ODR4: variants seen among roughly 807,000 people sequenced by gnomAD.
The protein encoded by ODR4 is odr-4 GPCR localization factor homolog, also known as protein odr-4 homolog.
ODR4 carries 47 observed loss-of-function variants against 60.2 expected under a neutral mutation model. That is an observed-to-expected ratio of 0.78 (90% confidence interval 0.62 to 1.00). ODR4 has a LOEUF of 1.00. Ranked by LOEUF, ODR4 falls within the 50% of genes least tolerant of loss-of-function variation. ODR4 has a pLI of 0.00. For missense variants in ODR4, 488 were observed against 530.8 expected (o/e 0.92, Z 0.79); for synonymous variants, 178 against 175.5 (o/e 1.01, Z -0.11).
chr1:186,391,527 GAA>G (rs1660469001), intron 7 of ODR4, among the ~76,000 whole-genome samples, 167 bp from the exon 8 acceptor site: 1 of 126,472 alleles, frequency 7.9e-6, no homozygotes, highest in Non-Finnish European at 1.8e-5. Context: ...AAGGTATCAA[GAA>G]TGGGGGTATA....
chr1:186,414,247 TA>T (rs1558097803), intron 12 of ODR4, among the ~76,000 whole-genome samples: 1 of 152,142 alleles, frequency 6.6e-6, no homozygotes, highest in Non-Finnish European at 1.5e-5. Flanking sequence ...ATGACAGATT[TA>T]AAAATGGAAA....
chr1:186,402,186 T>TTTTCTTTCTTTC (rs777903676), intron 11 of ODR4, among the ~76,000 whole-genome samples: 7,970 of 91,482 alleles, frequency 0.087, 355 homozygotes, highest in Non-Finnish European at 0.1. Flanking sequence ...ATAGGCATCC[T>TTTTCTTTCTTTC]ATTCTTTCTT....
At chr1:186,418,103 G>T (rs1402687663) in intron 13 of ODR4, among the ~76,000 whole-genome samples, 1 of 152,142 alleles carries the variant, frequency 6.6e-6, no homozygotes, top group Non-Finnish European at 1.5e-5. Context: ...CAAGGAACAT[G>T]CAGACTATTG....
At chr1:186,431,541 T>C in the ODR4 span, among the ~76,000 whole-genome samples, 1 of 152,144 alleles carries the variant, frequency 6.6e-6, no homozygotes, top group African/African-American at 2.4e-5. Context: ...GTAGAGTAAT[T>C]AGAAGGTCAA....
rs149857162 is a variant in ODR4 at position 186,392,459 on chromosome 1, A to G, written c.711+668A>G. Among the ~76,000 whole-genome samples, 183 of 152,350 alleles carry G rather than the reference A, an allele frequency of 1.2e-3. 1 individual carries two copies. Among genetic ancestry groups the G allele is most frequent in the African/African-American group, 4.2e-3 (174 of 41,580 alleles). The stretch of plus-strand genomic sequence containing the variant: ...ACCATGGAATACTGTGCAGCCATTA[A>G]AACAGAACGAGATCATGTCCTTTGC... On this transcript the variant is annotated intron_variant, in intron 8 of 13. Coordinates refer to ENST00000287859, the MANE Select transcript of ODR4 (RefSeq NM_017847.6).
At chr1:186,417,714 T>G (rs909184931) in intron 13 of ODR4, 60 bp downstream of exon 13, 1 of 886,424 alleles carries the variant, frequency 1.1e-6, no homozygotes, top group African/African-American at 1.7e-5. Flanking sequence ...GTTTTCTTGT[T>G]ACTTTAAGAT....
At chr1:186,396,816 A>G (rs1486221089) in intron 9 of ODR4, among the ~76,000 whole-genome samples, 1 of 152,054 alleles carries the variant, frequency 6.6e-6, no homozygotes. Context: ...AATGTGTTAT[A>G]TGTTAAAAAT....
Position 186,391,594 on chromosome 1 carries a change from A to T in ODR4, c.616-102A>T. Reference sequence around the variant, plus strand: ...AATGCTGCAGTAATGAGATTTAGGGATTTTAATATTTCAATTTATTAGGTG... The same window carrying T: ...AATGCTGCAGTAATGAGATTTAGGGTTTTTAATATTTCAATTTATTAGGTG... On this transcript the variant is annotated intron_variant, in intron 7 of 13. Transcript: ENST00000287859. 3.9e-6 allele frequency: 3 copies of T among 768,778 alleles called. No homozygotes were observed. The South Asian group carries it at 4.9e-5, about 13-fold the overall frequency. 47.6% of individuals were successfully genotyped at this position (768,778 alleles called of 1,614,324 possible). A position where few individuals can be genotyped will look rare whatever the true frequency, so the allele number is the denominator to read the frequency against.
rs367923541 is a variant in ODR4, at chr1:186,419,104, T to A, written c.*28T>A. 385 of 1,561,062 alleles carry A rather than the reference T, an allele frequency of 2.5e-4. No homozygotes were observed. Among genetic ancestry groups the A allele is most frequent in the Non-Finnish European group, 3.0e-4 (346 of 1,136,498 alleles). Reference sequence around the variant, plus strand: ...TGAGGCACAAAGAGTTTCTTGATCATCCAGAGAACATTGACAGACAATTAT... The same window carrying A: ...TGAGGCACAAAGAGTTTCTTGATCAACCAGAGAACATTGACAGACAATTAT... On this transcript the variant is annotated 3_prime_UTR_variant, in exon 14 of 14. Coordinates refer to ENST00000287859, the MANE Select transcript of ODR4 (RefSeq NM_017847.6).
intron 11 of ODR4, among the ~76,000 whole-genome samples, chr1:186,405,628 C>G (rs1661143228): frequency 6.6e-6 from 1 of 152,152 alleles, no homozygotes; most frequent in African/African-American, 2.4e-5. Context: ...TCTTGGCTCA[C>G]CGCAACCTCC....
rs974702821 is a variant in ODR4 at position 186,375,914 on chromosome 1, A to G, written c.-80A>G. 5 of 208,034 alleles carry G rather than the reference A, an allele frequency of 2.4e-5. No individual in the cohort carries two copies. Among genetic ancestry groups the G allele is most frequent in the Admixed American group, 4.8e-5 (1 of 20,886 alleles). The allele number at this position is 208,034 out of a possible 1,614,324, so 12.9% of individuals were successfully genotyped here. A position where few individuals can be genotyped will look rare whatever the true frequency, so the allele number is the denominator to read the frequency against. On this transcript the variant is annotated 5_prime_UTR_variant, in exon 1 of 14. Transcript: ENST00000287859. The stretch of plus-strand genomic sequence containing the variant: ...GCTGGTACTTGGGCCCGAAACCCCC[A>G]TCTCCGGCGGAGAGACCGTCCGAGG...
the ODR4 span, among the ~76,000 whole-genome samples, chr1:186,432,726 A>G: frequency 6.6e-6 from 1 of 151,406 alleles, no homozygotes; most frequent in Non-Finnish European, 1.5e-5. Flanking sequence ...AAATTTTTTT[A>G]ATGTTGTTTA....
chr1:186,424,512 G>A (rs1201409653), downstream of ODR4, among the ~76,000 whole-genome samples: 3 of 151,998 alleles, frequency 2.0e-5, no homozygotes, highest in Non-Finnish European at 4.4e-5. Context: ...TTTTGGGTGG[G>A]GTTGTCTGTT....
chr1:186,390,829 A>C lies in ODR4; in HGVS notation c.593A>C (p.Tyr198Ser), dbSNP rs1660441706. The change falls in exon 7 of 14, where the codon TAT (tyrosine) becomes TCT (serine). Residue 198 changes from tyrosine to serine, a missense_variant. Physicochemically the swap from Tyr to Ser is moderately radical, Grantham distance 144. Coordinates refer to ENST00000287859, the MANE Select transcript of ODR4 (RefSeq NM_017847.6). ...CCACTTTCTGCTACTTCTGTCAGCT[A>C]TACTCTGGAGAAAAATACAAAGGTA... ...HIPLSATSVS[Y>S]TLEKNTKNGL... 2 of 1,612,792 alleles carry C rather than the reference A, an allele frequency of 1.2e-6. No homozygotes were observed. Among genetic ancestry groups the C allele is most frequent in the Non-Finnish European group, 1.7e-6 (2 of 1,179,268 alleles).
chr1:186,388,413 CAATT>C (rs753477120), intron 4 of ODR4, 25 bp from the exon 5 acceptor site: 321 of 1,272,104 alleles, frequency 2.5e-4, no homozygotes, highest in Non-Finnish European at 3.3e-4. Flanking sequence ...ATTTTACATT[CAATT>C]AGTGTGTATT....
chr1:186,399,649 G>A (rs78745924), intron 11 of ODR4, among the ~76,000 whole-genome samples: 6,887 of 152,140 alleles, frequency 0.045, 509 homozygotes, highest in African/African-American at 0.16. Flanking sequence ...TTTAAAGTTA[G>A]TATTTTTTGT....
At chr1:186,429,556 G>A in the ODR4 span, among the ~76,000 whole-genome samples, 2 of 151,952 alleles carry the variant, frequency 1.3e-5, no homozygotes, top group South Asian at 2.1e-4. Context: ...ACCCTTAATC[G>A]CAGTCTGTCT....
intron 12 of ODR4, among the ~76,000 whole-genome samples, chr1:186,406,917 A>G (rs1013288888): frequency 6.6e-6 from 1 of 152,104 alleles, no homozygotes; most frequent in Non-Finnish European, 1.5e-5. Context: ...AAACATGTCT[A>G]TAAATAAATA....
At position 186,383,032 on chromosome 1, in the gene ODR4, A is replaced by G; in HGVS notation, c.110A>G (p.Gln37Arg). The G allele has an allele frequency of 6.3e-7, 1 of 1,584,572 alleles. No homozygotes were observed. The highest frequency in any genetic ancestry group is 1.2e-5 in the South Asian group (1 of 86,280). Reference sequence around the variant, plus strand: ...AATTTGTTGTTGAAGTGTTCGTCACAAAAGGATTATGTGATTCTTGCCACT... The same window carrying G: ...AATTTGTTGTTGAAGTGTTCGTCACGAAAGGATTATGTGATTCTTGCCACT... Reference protein sequence around the residue: ...SGLLIGQCSSQKDYVILATRT... With the variant: ...SGLLIGQCSSRKDYVILATRT... Residue 37 changes from glutamine to arginine, a missense_variant, in exon 3 of 14, where the codon CAA (glutamine) becomes CGA (arginine). Coordinates refer to ENST00000287859, the MANE Select transcript of ODR4 (RefSeq NM_017847.6).
Sources: gnomAD v4.1 joint callset for allele counts (sites outside exome capture counted in the v4.1 genomes callset) on GRCh38, gnomAD v4.1.1 for gene constraint, MANE v1.5 for transcripts, NCBI Gene and HGNC (gene_info 2026-07-23, HGNC 2026-07-21) for gene names.